Variants in SMAD2 observed in about 807,000 individuals in gnomAD.
SMAD2 encodes the protein MAD homolog 2.
SMAD2 carries 8 observed loss-of-function variants against 64.4 expected under a neutral mutation model. The ratio of observed to expected loss-of-function variants is 0.12; its 90% CI spans 0.07 to 0.22. SMAD2 has a LOEUF of 0.22. Among genes scored for constraint, SMAD2 ranks in the 10% least tolerant of loss-of-function variants. SMAD2 has a pLI of 1.00. For synonymous variants in SMAD2, 203 were observed against 195.8 expected, an observed-to-expected ratio of 1.04 and a Z score of -0.31; for missense variants, 289 against 561.2, an observed-to-expected ratio of 0.51 and a Z score of 4.90.
Position 47,828,343 on chromosome 18 carries a change from G to A in SMAD2, c.*13484C>T, listed in dbSNP as rs1383337096. ...GCAGCCCCCGGCCAGCATCCACCCC[G>A]TCCGGGAGGTGGGGGGGCGCCTCTG... is the stretch of plus-strand genomic sequence containing the variant. On this transcript the variant is annotated 3_prime_UTR_variant, in exon 11 of 11. Transcript: ENST00000262160. 9.3e-5 allele frequency: 14 copies of A among 149,810 alleles called. No individual in the cohort carries two copies. Among genetic ancestry groups the A allele is most frequent in the South Asian group, 2.1e-4 (1 of 4,684 alleles). The allele number at this position is 149,810 out of a possible 1,614,324, so 9.3% of individuals were successfully genotyped here.
At chr18:47,852,305 A>G (rs560052241) in intron 6 of SMAD2, among the ~76,000 whole-genome samples, 2 of 152,314 alleles carry the variant, frequency 1.3e-5, no homozygotes, top group South Asian at 4.1e-4. Flanking sequence ...AGATTTATCA[A>G]TCATCTTTGG....
rs1182749111 is a variant in SMAD2 at position 47,818,622 on chromosome 18, T to C, written c.*23205A>G. ...ACCAGAATGGCAAACAAAAGATTTG[T>C]TACTAAAAATTCAAGGCCACCTGGA... On this transcript the variant is annotated 3_prime_UTR_variant, in exon 11 of 11. Coordinates refer to ENST00000262160, the MANE Select transcript of SMAD2 (RefSeq NM_005901.6). 1 of 152,200 alleles carries C rather than the reference T, an allele frequency of 6.6e-6. No individual in the cohort carries two copies. Among genetic ancestry groups the C allele is most frequent in the Non-Finnish European group, 1.5e-5 (1 of 68,040 alleles). The allele number at this position is 152,200 out of a possible 1,614,324, so 9.4% of individuals were successfully genotyped here. A position where few individuals can be genotyped will look rare whatever the true frequency, so the allele number is the denominator to read the frequency against.
intron 6 of SMAD2, among the ~76,000 whole-genome samples, chr18:47,851,803 T>C (rs930215358): frequency 6.6e-6 from 1 of 152,206 alleles, no homozygotes; most frequent in Non-Finnish European, 1.5e-5. Flanking sequence ...ATTCAAGCTA[T>C]TTTCAATCTT....
rs764172964 is a variant in SMAD2 at position 47,845,325 on chromosome 18, A to G, written c.1280+15T>C. The G allele has an allele frequency of 3.7e-6, 6 of 1,610,940 alleles. No homozygotes were observed. The African/African-American group carries it at 6.7e-5, about 18-fold the overall frequency. Reference sequence around the variant, plus strand: ...TACACTGTGGAAATTTAAGAACCAAATATGTATTTCATACCGGTATTCTGC... The same window carrying G: ...TACACTGTGGAAATTTAAGAACCAAGTATGTATTTCATACCGGTATTCTGC... On this transcript the variant is annotated intron_variant, in intron 10 of 10. Transcript: ENST00000262160.
At chr18:47,884,931 T>C (rs2032803463) in intron 2 of SMAD2, among the ~76,000 whole-genome samples, 1 of 152,058 alleles carries the variant, frequency 6.6e-6, no homozygotes, top group South Asian at 2.1e-4. Context: ...CTGCTGCCCC[T>C]GAAAAAACAA....
At chr18:47,853,765 TCTGCTGGCAAGTCAC>T (rs2030386597) in intron 6 of SMAD2, among the ~76,000 whole-genome samples, 1 of 151,624 alleles carries the variant, frequency 6.6e-6, no homozygotes, top group South Asian at 2.1e-4. Flanking sequence ...AAGTCACAAA[TCTGCTGGCAAGTCAC>T]AAATCTGCTG....
intron 1 of SMAD2, among the ~76,000 whole-genome samples, chr18:47,925,091 G>A (rs2034711971): frequency 1.3e-5 from 2 of 152,144 alleles, no homozygotes; most frequent in South Asian, 2.1e-4. Flanking sequence ...GTATGACACT[G>A]TAGATTATTC....
intron 2 of SMAD2, among the ~76,000 whole-genome samples, chr18:47,885,262 G>A (rs1367415437): frequency 2.0e-5 from 3 of 150,288 alleles, no homozygotes; most frequent in African/African-American, 4.9e-5. Flanking sequence ...TGCAACCTCC[G>A]CCTCCTGGGT....
At chr18:47,849,491 A>G (rs776008544) in intron 7 of SMAD2, among the ~76,000 whole-genome samples, 59 of 29,182 alleles carry the variant, frequency 2.0e-3, no homozygotes, top group South Asian at 9.5e-3. Flanking sequence ...ATGTATGTAT[A>G]TATATATATA....
intron 2 of SMAD2, among the ~76,000 whole-genome samples, chr18:47,894,069 A>G (rs1038566074): frequency 6.6e-6 from 1 of 152,206 alleles, no homozygotes; most frequent in Non-Finnish European, 1.5e-5. Flanking sequence ...GAAAAGAGCT[A>G]TGACTAAGGT....
intron 1 of SMAD2, among the ~76,000 whole-genome samples, chr18:47,905,784 T>C (rs760622504): frequency 2.1e-4 from 32 of 152,156 alleles, no homozygotes; most frequent in South Asian, 4.1e-4. Flanking sequence ...AATACATTCA[T>C]GACCTTAAAA....
chr18:47,882,889 C>T (rs999480680), intron 2 of SMAD2, among the ~76,000 whole-genome samples: 1 of 152,144 alleles, frequency 6.6e-6, no homozygotes, highest in Non-Finnish European at 1.5e-5. Flanking sequence ...AATTTAATGG[C>T]ATAAAATTGT....
chr18:47,817,158 G>A lies in SMAD2; in HGVS notation c.*24669C>T, dbSNP rs781135326. On this transcript the variant is annotated 3_prime_UTR_variant, in exon 11 of 11. Transcript: ENST00000262160. ...TTGACATAAATGGTGTTCAGCAGTA[G>A]AACCTGAAGTAGGACACATTTCAGA... 2 of 152,214 alleles carry A rather than the reference G, an allele frequency of 1.3e-5. No individual in the cohort carries two copies. The highest frequency in any genetic ancestry group is 6.5e-5 in the Admixed American group (1 of 15,284). The allele number at this position is 152,214 out of a possible 1,614,324, so 9.4% of individuals were successfully genotyped here.
intron 1 of SMAD2, among the ~76,000 whole-genome samples, chr18:47,915,743 T>C (rs569114612): frequency 1.3e-5 from 2 of 152,310 alleles, no homozygotes; most frequent in South Asian, 4.1e-4. Context: ...TTTACACTAA[T>C]GTAACCACAA....
At chr18:47,852,880 A>AT (rs1395525016) in intron 6 of SMAD2, among the ~76,000 whole-genome samples, 2 of 152,208 alleles carry the variant, frequency 1.3e-5, no homozygotes, top group Non-Finnish European at 2.9e-5. Flanking sequence ...ATGCAACTCA[A>AT]TTTTAAAACA....
chr18:47,867,801 C>T (rs548367346), intron 5 of SMAD2, among the ~76,000 whole-genome samples: 3 of 151,922 alleles, frequency 2.0e-5, no homozygotes, highest in Admixed American at 1.3e-4. Context: ...GAGATGCAGA[C>T]GAAACATAAT....
rs1359663596 is a variant in SMAD2, at chr18:47,814,009, T to G, written c.*27818A>C. On this transcript the variant is annotated 3_prime_UTR_variant, in exon 11 of 11. Coordinates refer to ENST00000262160, the MANE Select transcript of SMAD2 (RefSeq NM_005901.6). Reference sequence around the variant, plus strand: ...AAAGTCTGTGGTGGAGGTGATAACCTGAACTTGGCTTTGAGGAATAAAGAG... The same window carrying G: ...AAAGTCTGTGGTGGAGGTGATAACCGGAACTTGGCTTTGAGGAATAAAGAG... 6.6e-6 allele frequency: 1 copy of G among 152,130 alleles called. No homozygotes were observed. The highest frequency in any genetic ancestry group is 1.5e-5 in the Non-Finnish European group (1 of 68,054). The allele number at this position is 152,130 out of a possible 1,614,324, so 9.4% of individuals were successfully genotyped here. A position where few individuals can be genotyped will look rare whatever the true frequency, so the allele number is the denominator to read the frequency against.
chr18:47,864,948 G>A lies in SMAD2; in HGVS notation c.730+111C>T, dbSNP rs576612151. The A allele has an allele frequency of 2.9e-5, 20 of 697,266 alleles. No homozygotes were observed. The African/African-American group carries it at 3.0e-4, about 11-fold the overall frequency. 43.2% of individuals were successfully genotyped at this position (697,266 alleles called of 1,614,324 possible). ...ATCAAGATAGAAGATCATCTTTTTTGGTATGCGTCTCAACTTCTCTAAATT... is the reference window on the plus strand; with the variant it reads ...ATCAAGATAGAAGATCATCTTTTTTAGTATGCGTCTCAACTTCTCTAAATT... On this transcript the variant is annotated intron_variant, in intron 6 of 10. Transcript: ENST00000262160.
At chr18:47,910,948 G>C (rs1326702834) in intron 1 of SMAD2, among the ~76,000 whole-genome samples, 4 of 152,022 alleles carry the variant, frequency 2.6e-5, no homozygotes, top group Non-Finnish European at 5.9e-5. Context: ...TACTAAAAAA[G>C]AAACATTAAA....
Sources: allele counts gnomAD v4.1 joint callset (sites outside exome capture counted in the v4.1 genomes callset), GRCh38; gene constraint gnomAD v4.1.1; transcripts MANE v1.5; gene names NCBI Gene and HGNC (gene_info 2026-07-23, HGNC 2026-07-21).